Variants in PRRC2B observed in about 807,000 individuals in gnomAD.
The protein encoded by PRRC2B is protein PRRC2B.
In PRRC2B, 68 loss-of-function variants were observed where a neutral mutation model predicts 242.3. That is an observed-to-expected ratio of 0.28 (90% CI 0.23 to 0.34). The LOEUF is 0.34. Among genes scored for constraint, PRRC2B ranks in the 10% least tolerant of loss-of-function variants. The pLI is 1.00. For synonymous variants in PRRC2B, 1,228 were observed against 1,173.6 expected (o/e 1.05, Z -0.95); for missense variants, 2,835 against 2,954.8 (o/e 0.96, Z 0.94).
intron 4 of PRRC2B, among the ~76,000 whole-genome samples, chr9:131,437,941 T>C (rs930001359): frequency 1.3e-5 from 2 of 152,196 alleles, no homozygotes; most frequent in African/African-American, 4.8e-5. Flanking sequence ...GGTGAGGTCC[T>C]GGGCATCTAT....
In PRRC2B at chr9:131,483,353, T is replaced by C. The variant is rs371470381; in HGVS notation, c.5374-6T>C. On this transcript the variant is annotated splice_polypyrimidine_tract_variant and splice_region_variant and intron_variant, in intron 22 of 31. Coordinates refer to ENST00000683519, the MANE Select transcript of PRRC2B (RefSeq NM_013318.4). ...GTGGGCTGTGTGGCCTTTTTTATTT[T>C]TTCAGGACTCCGATTTCAGCTTGCC... 5 of 1,613,814 alleles carry C rather than the reference T, an allele frequency of 3.1e-6. No homozygotes were observed. The African/African-American group carries it at 4.0e-5, about 13-fold the overall frequency.
chr9:131,423,379 G>GGTAT (rs1356190643), intron 1 of PRRC2B, among the ~76,000 whole-genome samples: 1 of 152,174 alleles, frequency 6.6e-6, no homozygotes, highest in African/African-American at 2.4e-5. Context: ...TTTAGCTTGG[G>GGTAT]GTATGCATGT....
At chr9:131,443,361 C>T (rs779680350) in intron 5 of PRRC2B, among the ~76,000 whole-genome samples, 30 of 151,862 alleles carry the variant, frequency 2.0e-4, no homozygotes, top group Admixed American at 1.4e-3. Flanking sequence ...TGGTCCCGAT[C>T]TCCTGACCTC....
chr9:131,496,771 G>A lies in PRRC2B; in HGVS notation c.*897G>A, dbSNP rs1046225189. 3 of 152,318 alleles carry A rather than the reference G, an allele frequency of 2.0e-5. No homozygotes were observed. Among genetic ancestry groups the A allele is most frequent in the Non-Finnish European group, 2.9e-5 (2 of 68,114 alleles). The allele number at this position is 152,318 out of a possible 1,614,324, so 9.4% of individuals were successfully genotyped here. A position where few individuals can be genotyped will look rare whatever the true frequency, so the allele number is the denominator to read the frequency against. On this transcript the variant is annotated 3_prime_UTR_variant, in exon 32 of 32. Transcript: ENST00000683519. ...CTCCTCTAAAGCCAGTGGATGTGCT[G>A]GGCACCAGAGACAAATCATGGAGAT... is the stretch of plus-strand genomic sequence containing the variant.
intron 3 of PRRC2B, 76 bp from the exon 4 acceptor site, chr9:131,436,544 G>A: frequency 8.7e-7 from 1 of 1,151,234 alleles, no homozygotes; most frequent in South Asian, 1.4e-5. Context: ...CTGAACAGCT[G>A]TGGCTCCTGA....
At chr9:131,420,493 C>CTTTCTTTCTTTCTTTCTTTCTT in intron 1 of PRRC2B, among the ~76,000 whole-genome samples, 23 of 30,176 alleles carry the variant, frequency 7.6e-4, no homozygotes, top group South Asian at 2.3e-3. Context: ...TTCTTTCTTT[C>CTTTCTTTCTTTCTTTCTTTCTT]TTTTTTTTTT....
intron 1 of PRRC2B, among the ~76,000 whole-genome samples, chr9:131,416,883 GTT>G (rs1837672219): frequency 6.6e-6 from 1 of 152,122 alleles, no homozygotes. Flanking sequence ...GGGAAAAAAA[GTT>G]TATTTCATGG....
Position 131,459,252 on chromosome 9 carries a change from G to T in PRRC2B, c.1300G>T (p.Asp434Tyr). The T allele has an allele frequency of 1.2e-6, 2 of 1,613,900 alleles. No homozygotes were observed. The highest frequency in any genetic ancestry group is 1.7e-6 in the Non-Finnish European group (2 of 1,179,830). Residue 434 changes from aspartate (D) to tyrosine (Y), a missense_variant, in exon 11 of 32, where the codon GAC (aspartate) becomes TAC (tyrosine). By Grantham distance (160) the Asp-to-Tyr change is radical. Transcript: ENST00000683519. ...DAKRTREEGK[D>Y]WAEAVGASRV... ...TAAGCGGACTCGAGAGGAAGGGAAGGACTGGGCTGAAGCAGTGGGTGCGTC... is the reference window on the plus strand; with the variant it reads ...TAAGCGGACTCGAGAGGAAGGGAAGTACTGGGCTGAAGCAGTGGGTGCGTC...
chr9:131,460,515 C>T (rs555093074), intron 11 of PRRC2B, among the ~76,000 whole-genome samples: 5 of 152,302 alleles, frequency 3.3e-5, no homozygotes, highest in African/African-American at 9.6e-5. Flanking sequence ...CCTCTGGCTA[C>T]GTGCACTTTG....
chr9:131,401,366 A>G (rs1837222616), intron 1 of PRRC2B, among the ~76,000 whole-genome samples: 1 of 148,374 alleles, frequency 6.7e-6, no homozygotes, highest in African/African-American at 2.5e-5. Flanking sequence ...GGCGGCCACC[A>G]TTCTTACCAT....
At chr9:131,430,312 C>G (rs574983879) in intron 2 of PRRC2B, 53 bp downstream of exon 2, 1 of 1,089,198 alleles carries the variant, frequency 9.2e-7, no homozygotes, top group Non-Finnish European at 1.4e-6. Context: ...AGTGACATAT[C>G]CCAGAAACCC....
chr9:131,476,523 T>G lies in PRRC2B; in HGVS notation c.4394T>G (p.Leu1465Trp). The stretch of plus-strand genomic sequence containing the variant: ...GAGAGCCAACAGAATGGGACGCCTT[T>G]GAAAGTGAAAAGGTAAAACCAGACA... ...RYESQQNGTP[L>W]KVKRSPDEAL... is the part of the protein sequence containing the mutation. The change falls in exon 16 of 32, where the codon TTG becomes TGG. Residue 1465 changes from leucine to tryptophan, a missense_variant. Coordinates refer to ENST00000683519, the MANE Select transcript of PRRC2B (RefSeq NM_013318.4). 1 of 1,591,236 alleles carries G rather than the reference T, an allele frequency of 6.3e-7. No homozygotes were observed. Among genetic ancestry groups the G allele is most frequent in the Non-Finnish European group, 8.6e-7 (1 of 1,168,796 alleles).
chr9:131,389,138 G>A (rs1299997787), upstream of PRRC2B, among the ~76,000 whole-genome samples: 2 of 146,192 alleles, frequency 1.4e-5, no homozygotes, highest in African/African-American at 5.0e-5. Flanking sequence ...CACTGCGCCT[G>A]GCTCCTTTCA....
Position 131,444,149 on chromosome 9 carries a change from C to G in PRRC2B, c.470-36C>G. The G allele has an allele frequency of 1.9e-6, 3 of 1,612,060 alleles. No individual in the cohort carries two copies. In the African/African-American group the frequency reaches 4.0e-5, roughly 21 times the overall value. On this transcript the variant is annotated intron_variant, in intron 5 of 31. Coordinates refer to ENST00000683519, the MANE Select transcript of PRRC2B (RefSeq NM_013318.4). Reference sequence around the variant, plus strand: ...GGAAGCAGACGACTGTTGACTCCATCTCACTTCCTCCATGTCTACCCCGTC... The same window carrying G: ...GGAAGCAGACGACTGTTGACTCCATGTCACTTCCTCCATGTCTACCCCGTC...
chr9:131,479,824 T>C (rs996929974), intron 19 of PRRC2B, among the ~76,000 whole-genome samples: 1 of 152,158 alleles, frequency 6.6e-6, no homozygotes, highest in Non-Finnish European at 1.5e-5. Context: ...TGGGGAAGGC[T>C]CTGGAAACCC....
chr9:131,397,563 GTTTTTTTT>G (rs58424444), intron 1 of PRRC2B, among the ~76,000 whole-genome samples: 4 of 98,990 alleles, frequency 4.0e-5, no homozygotes, highest in Non-Finnish European at 7.7e-5. Context: ...ACTTTTGAGG[GTTTTTTTT>G]TTTTTTTTTT....
chr9:131,419,317 G>C (rs944535415), intron 1 of PRRC2B, among the ~76,000 whole-genome samples: 9 of 152,180 alleles, frequency 5.9e-5, no homozygotes, highest in Non-Finnish European at 1.2e-4. Flanking sequence ...AAACACCTGG[G>C]AGTTTGTCCT....
intron 19 of PRRC2B, 75 bp from the exon 20 acceptor site, chr9:131,481,651 T>G: frequency 8.3e-7 from 1 of 1,207,308 alleles, no homozygotes; most frequent in Non-Finnish European, 1.2e-6. Context: ...TGCCTGTGCT[T>G]GTTCTTTAAG....
Position 131,483,587 on chromosome 9 carries a change from C to CT in PRRC2B, c.5460+144dup, listed in dbSNP as rs1219980910. ...AGCAGCTCCATGTCCTTAAAAGGTG[C>CT]TTAAATGTTCCTGCCCAGGTTTTGT... On this transcript the variant is annotated intron_variant, in intron 23 of 31. Transcript: ENST00000683519. 1.5e-5 allele frequency: 11 copies of CT among 727,056 alleles called. No homozygotes were observed. The Admixed American group carries it at 2.6e-4, about 17-fold the overall frequency. The allele number at this position is 727,056 out of a possible 1,614,324, so 45.0% of individuals were successfully genotyped here.
Sources: allele counts gnomAD v4.1 joint callset (sites outside exome capture counted in the v4.1 genomes callset), GRCh38; gene constraint gnomAD v4.1.1; transcripts MANE v1.5; gene names NCBI Gene and HGNC (gene_info 2026-07-23, HGNC 2026-07-21).